COPA: variants seen among roughly 807,000 people sequenced by gnomAD.
The protein encoded by COPA is coat protein complex I subunit alpha.
In COPA, 10 loss-of-function variants were observed where a neutral mutation model predicts 158.7. The observed-to-expected ratio is 0.06, with a 90% CI of 0.04 to 0.11. The LOEUF is 0.11. Ranked by LOEUF, COPA falls within the 10% of genes least tolerant of loss-of-function variation. The probability of loss-of-function intolerance (pLI) is 1.00; values close to 1 mark genes in which losing one functional copy is unlikely to be tolerated. For synonymous variants in COPA, 462 were observed against 542.8 expected (o/e 0.85, Z 2.07); for missense variants, 1,065 against 1,536.7 (o/e 0.69, Z 5.13).
At chr1:160,339,611 T>C (rs1473130958) in intron 3 of COPA, 10 of 267,784 alleles carry the variant, frequency 3.7e-5, no homozygotes, top group Non-Finnish European at 6.5e-5. Context: ...CTCTATTATA[T>C]TGCTTACCAA....
chr1:160,302,881 T>C (rs974726949), intron 17 of COPA, among the ~76,000 whole-genome samples: 2 of 152,172 alleles, frequency 1.3e-5, no homozygotes, highest in Middle Eastern at 6.8e-3. Context: ...CTTTAAAAAC[T>C]TATATGAAGG....
intron 21 of COPA, 77 bp from the exon 22 acceptor site, chr1:160,296,226 C>G: frequency 1.6e-6 from 2 of 1,229,902 alleles, no homozygotes; most frequent in Non-Finnish European, 2.4e-6. Context: ...TCTGAAATGG[C>G]CCCCCAGTAA....
chr1:160,318,498 A>C (rs1359901712), intron 8 of COPA, among the ~76,000 whole-genome samples: 42 of 134,396 alleles, frequency 3.1e-4, no homozygotes, highest in Non-Finnish European at 2.8e-4. Flanking sequence ...AAAACAAAAA[A>C]AAAAAAAAAA....
intron 7 of COPA, among the ~76,000 whole-genome samples, chr1:160,324,752 G>A (rs1659439687): frequency 6.6e-6 from 1 of 152,116 alleles, no homozygotes; most frequent in South Asian, 2.1e-4. Context: ...GTAAAAAATT[G>A]ACAGATATAA....
At position 160,290,635 on chromosome 1, in the gene COPA, G is replaced by A. The variant is rs915967287; in HGVS notation, c.3472C>T (p.Leu1158Phe). ...AAGGGGTTGTGCATGTCATAATTGAGCTGGTAGGCATCTGTGGGATTCTTC... is the reference window on the plus strand; with the variant it reads ...AAGGGGTTGTGCATGTCATAATTGAACTGGTAGGCATCTGTGGGATTCTTC... ...CEKNPTDAYQ[L>F]NYDMHNPFDI... Residue 1158 changes from leucine to phenylalanine, a missense_variant, in exon 32 of 33, where the codon CTC becomes TTC. By Grantham distance (22) the Leu-to-Phe change is conservative. Around this residue, in one of 2 missense-constraint regions of COPA, gnomAD observed 980 missense variants for 1,357.8 expected, o/e 0.72. Coordinates refer to ENST00000241704, the MANE Select transcript of COPA (RefSeq NM_004371.4). 1.9e-6 allele frequency: 3 copies of A among 1,614,040 alleles called. No individual in the cohort carries two copies. Among genetic ancestry groups the A allele is most frequent in the Non-Finnish European group, 2.5e-6 (3 of 1,180,042 alleles).
chr1:160,338,474 TCA>T (rs1647878294), intron 3 of COPA, among the ~76,000 whole-genome samples: 1 of 152,220 alleles, frequency 6.6e-6, no homozygotes, highest in Non-Finnish European at 1.5e-5. Flanking sequence ...GAATTAAATT[TCA>T]CTGGTTCGGT....
intron 25 of COPA, 33 bp from the exon 26 acceptor site, chr1:160,293,496 A>T (rs1025234571): frequency 4.5e-6 from 6 of 1,333,458 alleles, no homozygotes; most frequent in African/African-American, 1.6e-5. Context: ...GTATTGAGTA[A>T]TTTTTTTTTT....
intron 3 of COPA, among the ~76,000 whole-genome samples, chr1:160,339,149 C>T (rs1647920127): frequency 8.3e-6 from 1 of 120,098 alleles, no homozygotes; most frequent in Admixed American, 7.4e-5. Flanking sequence ...CCTTATTGGC[C>T]ATCTCATTTA....
At chr1:160,334,682 T>C (rs1382885486) in intron 4 of COPA, among the ~76,000 whole-genome samples, 1 of 152,190 alleles carries the variant, frequency 6.6e-6, no homozygotes, top group African/African-American at 2.4e-5. Flanking sequence ...TATAAGGAGA[T>C]CCTGTCAGGG....
chr1:160,302,251 A>C (rs980733584), intron 17 of COPA, among the ~76,000 whole-genome samples: 3 of 152,174 alleles, frequency 2.0e-5, no homozygotes, highest in African/African-American at 7.2e-5. Context: ...CAACAAAATT[A>C]GAAAATTAAA....
chr1:160,340,860 C>A (rs544060132), intron 1 of COPA, among the ~76,000 whole-genome samples: 14 of 152,274 alleles, frequency 9.2e-5, no homozygotes, highest in African/African-American at 3.4e-4. Flanking sequence ...CTCTCTGCAG[C>A]CCCCTCTTCT....
At chr1:160,296,250 G>T (rs1658408034) in intron 21 of COPA, 101 bp from the exon 22 acceptor site, 5 of 946,818 alleles carry the variant, frequency 5.3e-6, no homozygotes, top group Non-Finnish European at 8.4e-6. Context: ...CTGACTCCTG[G>T]TATTCAAGTT....
intron 4 of COPA, among the ~76,000 whole-genome samples, 199 bp from the exon 5 acceptor site, chr1:160,333,878 C>T (rs952193739): frequency 3.9e-5 from 6 of 152,184 alleles, no homozygotes; most frequent in Non-Finnish European, 8.8e-5. Flanking sequence ...GCACTTTCAC[C>T]TATAAGACTT....
At position 160,305,636 on chromosome 1, in the gene COPA, C is replaced by T. The variant is rs549858526; in HGVS notation, c.1528+52G>A. The T allele has an allele frequency of 2.1e-4, 321 of 1,561,796 alleles. 3 individuals are homozygous for T. In the South Asian group the frequency reaches 3.5e-3, roughly 17 times the overall value. ...GTAAGTGCCGTAGACTGGCAGGGAT[C>T]GGGGTGGAAGGGAATGGTCTCTAAA... On this transcript the variant is annotated intron_variant, in intron 16 of 32. Coordinates refer to ENST00000241704, the MANE Select transcript of COPA (RefSeq NM_004371.4).
chr1:160,297,802 A>G, intron 19 of COPA, 57 bp from the exon 20 acceptor site: 1 of 1,550,410 alleles, frequency 6.4e-7, no homozygotes, highest in South Asian at 1.2e-5. Flanking sequence ...CTCAAAACCA[A>G]GGACTCTGCA....
chr1:160,321,538 A>G (rs1257784314), intron 8 of COPA, among the ~76,000 whole-genome samples: 1 of 152,198 alleles, frequency 6.6e-6, no homozygotes, highest in Non-Finnish European at 1.5e-5. Flanking sequence ...CTATAAACCC[A>G]GCACTTTGGG....
chr1:160,288,864 G>C lies in COPA; in HGVS notation c.*1293C>G, dbSNP rs762078062. On this transcript the variant is annotated 3_prime_UTR_variant, in exon 33 of 33. Coordinates refer to ENST00000241704, the MANE Select transcript of COPA (RefSeq NM_004371.4). Reference sequence around the variant, plus strand: ...ATAAATATTGCTATAATTAGCAAAAGATAAAAGGCTGCAATCAAAAACAGA... The same window carrying C: ...ATAAATATTGCTATAATTAGCAAAACATAAAAGGCTGCAATCAAAAACAGA... Among the ~76,000 whole-genome samples, 9 of 152,172 alleles carry C rather than the reference G, an allele frequency of 5.9e-5. No individual in the cohort carries two copies. The highest frequency in any genetic ancestry group is 2.2e-4 in the African/African-American group (9 of 41,450).
At chr1:160,325,745 A>G (rs1176295664) in intron 6 of COPA, 93 bp from the exon 7 acceptor site, 2 of 878,230 alleles carry the variant, frequency 2.3e-6, no homozygotes, top group African/African-American at 3.4e-5. Flanking sequence ...AGTGAAAAAG[A>G]AAAGAAAAAG....
At chr1:160,296,721 GAACT>G (rs1658425017) in intron 21 of COPA, among the ~76,000 whole-genome samples, 2 of 152,186 alleles carry the variant, frequency 1.3e-5, no homozygotes, top group Admixed American at 6.5e-5. Context: ...CAGAAATAGA[GAACT>G]AATATAGCTG....
Sources: allele counts gnomAD v4.1 joint callset (sites outside exome capture counted in the v4.1 genomes callset), GRCh38; gene constraint gnomAD v4.1.1; regional missense constraint gnomAD v4.1.1; transcripts MANE v1.5; gene names NCBI Gene and HGNC (gene_info 2026-07-23, HGNC 2026-07-21).